BLTP2: variants seen among roughly 807,000 people sequenced by gnomAD.
BLTP2 encodes the protein bridge-like lipid transfer protein family member 2, also known as U937-associated antigen.
chr17:28,642,874 C>A, the BLTP2 span: 1 of 1,574,616 alleles, frequency 6.4e-7, no homozygotes, highest in Non-Finnish European at 8.7e-7. Flanking sequence ...CTTACCTTTT[C>A]CCATCACTAT....
the BLTP2 span, chr17:28,639,227 A>G: frequency 1.6e-5 from 21 of 1,344,302 alleles, no homozygotes; most frequent in Admixed American, 2.1e-4. Context: ...ACAACCAAAT[A>G]CATATTTAAC....
chr17:28,630,473 T>TTG, the BLTP2 span, among the ~76,000 whole-genome samples: 166 of 145,946 alleles, frequency 1.1e-3, 2 homozygotes, highest in African/African-American at 3.8e-3. Context: ...CTGTTTTTTT[T>TTG]TTTTTTTTTT....
At chr17:28,638,695 A>G in the BLTP2 span, 1 of 1,030,540 alleles carries the variant, frequency 9.7e-7, no homozygotes, top group Non-Finnish European at 1.5e-6. Context: ...GCAGCTTCCT[A>G]TCATGGAACA....
At chr17:28,642,305 G>T in the BLTP2 span, 1 of 1,614,140 alleles carries the variant, frequency 6.2e-7, no homozygotes, top group Non-Finnish European at 8.5e-7. Context: ...CTTTGCTGTT[G>T]ATCTTACATA....
At chr17:28,639,362 C>T in the BLTP2 span, 1 of 1,614,050 alleles carries the variant, frequency 6.2e-7, no homozygotes, top group Non-Finnish European at 8.5e-7. Flanking sequence ...CTTGGGTTTC[C>T]AGTGCTAGCA....
At chr17:28,639,324 CT>C in the BLTP2 span, 2 of 1,612,820 alleles carry the variant, frequency 1.2e-6, no homozygotes, top group Non-Finnish European at 1.7e-6. Context: ...CCTTTTTTTC[CT>C]TTGCTTTAGA....
the BLTP2 span, chr17:28,616,989 C>A: frequency 6.2e-7 from 1 of 1,611,796 alleles, no homozygotes; most frequent in Non-Finnish European, 8.5e-7. This position sits in a 1 kb window ranked among gnomAD's most constrained non-coding sequence, Gnocchi z 4.8. Context: ...GCTCTGGGGC[C>A]GCAGTACTAC....
At chr17:28,629,212 T>C in the BLTP2 span, among the ~76,000 whole-genome samples, 1,033 of 151,764 alleles carry the variant, frequency 6.8e-3, 5 homozygotes, top group African/African-American at 0.024. Flanking sequence ...CTGGCCCATT[T>C]TATTTTTTAA....
the BLTP2 span, chr17:28,643,516 T>G: frequency 4.2e-6 from 6 of 1,432,062 alleles, no homozygotes; most frequent in Non-Finnish European, 4.9e-6. Flanking sequence ...CCCTTCCTCC[T>G]TGGATTGTGA....
At chr17:28,627,499 C>T in the BLTP2 span, among the ~76,000 whole-genome samples, 1 of 152,024 alleles carries the variant, frequency 6.6e-6, no homozygotes, top group Non-Finnish European at 1.5e-5. Context: ...CTCTGCCTCC[C>T]AGGTTCATGC....
chr17:28,637,002 A>G, the BLTP2 span: 1 of 1,614,036 alleles, frequency 6.2e-7, no homozygotes, highest in Non-Finnish European at 8.5e-7. Flanking sequence ...GGTGATGGAG[A>G]GCATGGAAAG....
chr17:28,635,693 T>G, the BLTP2 span: 157 of 1,395,616 alleles, frequency 1.1e-4, no homozygotes, highest in Middle Eastern at 7.3e-4. Flanking sequence ...CATGCACACC[T>G]GGCTCAAGAA....
At chr17:28,616,414 A>T in the BLTP2 span, 1 of 1,614,168 alleles carries the variant, frequency 6.2e-7, no homozygotes, top group Non-Finnish European at 8.5e-7. The surrounding 1 kb of genome is among the most constrained non-coding windows in gnomAD (Gnocchi z 4.8). Context: ...CTGACCCCAG[A>T]ACTCCGAGTC....
At chr17:28,615,568 G>T in the BLTP2 span, 1 of 1,478,556 alleles carries the variant, frequency 6.8e-7, no homozygotes, top group South Asian at 1.3e-5. Flanking sequence ...CCTTCCCAAG[G>T]ATATTTATTC....
the BLTP2 span, among the ~76,000 whole-genome samples, chr17:28,627,779 C>T: frequency 2.6e-5 from 4 of 152,008 alleles, no homozygotes; most frequent in South Asian, 2.1e-4. Context: ...CTTAGCCTCC[C>T]GAGTAGCTGG....
chr17:28,623,705 G>T, the BLTP2 span: 1 of 1,442,260 alleles, frequency 6.9e-7, no homozygotes, highest in Non-Finnish European at 9.7e-7. Flanking sequence ...CCAGCCATTA[G>T]AAAGTCTACG....
At chr17:28,619,079 A>G in the BLTP2 span, 1 of 810,554 alleles carries the variant, frequency 1.2e-6, no homozygotes, top group African/African-American at 1.7e-5. Context: ...AAATTAACCT[A>G]TTCTGGGTTA....
At chr17:28,615,819 G>GAAAAAA in the BLTP2 span, 1 of 1,599,324 alleles carries the variant, frequency 6.3e-7, no homozygotes, top group Admixed American at 1.8e-5. Context: ...AGGGGGAGGG[G>GAAAAAA]AAAGAAAAAA....
At chr17:28,628,651 T>C in the BLTP2 span, 9 of 1,065,776 alleles carry the variant, frequency 8.4e-6, no homozygotes, top group Non-Finnish European at 9.6e-6. Context: ...AAGAAACCTG[T>C]TGGCCAGATG....
Sources: allele counts gnomAD v4.1 joint callset (sites outside exome capture counted in the v4.1 genomes callset), GRCh38; gene constraint gnomAD v4.1.1; non-coding constraint Gnocchi (gnomAD v3.1); transcripts MANE v1.5; gene names NCBI Gene and HGNC (gene_info 2026-07-23, HGNC 2026-07-21).